IFT80: variants seen among roughly 807,000 people sequenced by gnomAD.
The protein encoded by IFT80 is intraflagellar transport protein 80 homolog.
Under a neutral mutation model 107.9 loss-of-function variants are expected in IFT80, and 79 were observed. The ratio of observed to expected loss-of-function variants is 0.73; its 90% confidence interval spans 0.61 to 0.88. IFT80 has a LOEUF of 0.88. Among genes scored for constraint, IFT80 ranks in the 40% least tolerant of loss-of-function variants. The pLI is 0.00. For missense variants in IFT80, 797 were observed against 914.2 expected (o/e 0.87, Z 1.65); for synonymous variants, 299 against 300.9 (o/e 0.99, Z 0.07).
chr3:160,309,723 G>A (rs1478945450), intron 9 of IFT80, among the ~76,000 whole-genome samples: 1 of 151,792 alleles, frequency 6.6e-6, no homozygotes, highest in Non-Finnish European at 1.5e-5. Context: ...AGCGTGTATA[G>A]TATGATACCT....
At chr3:160,343,757 T>C in intron 8 of IFT80, 1 of 353,520 alleles carries the variant, frequency 2.8e-6, no homozygotes, top group Non-Finnish European at 5.6e-6. Context: ...TAGCACTCAT[T>C]ACCATTTAAA....
At position 160,326,848 on chromosome 3, in the gene IFT80, G is replaced by C. The variant is rs140397917; in HGVS notation, c.778-6909C>G. Among the ~76,000 whole-genome samples the C allele has an allele frequency of 5.6e-3, 848 of 152,088 alleles. 8 individuals are homozygous for C. The highest frequency in any genetic ancestry group is 9.3e-3 in the Non-Finnish European group (631 of 67,976). ...AATCAGGCAAGGAAAAAAAAATAAG[G>C]GTACTCAGATAGGAAGACAGGAAGT... On this transcript the variant is annotated intron_variant, in intron 8 of 19. Transcript: ENST00000326448.
At chr3:160,385,625 T>C (rs1712869044) in intron 1 of IFT80, among the ~76,000 whole-genome samples, 1 of 152,238 alleles carries the variant, frequency 6.6e-6, no homozygotes, top group South Asian at 2.1e-4. Flanking sequence ...TTTTCACTTC[T>C]TTCTCTTCCA....
At chr3:160,352,238 C>T (rs950845365) in intron 8 of IFT80, among the ~76,000 whole-genome samples, 1 of 152,124 alleles carries the variant, frequency 6.6e-6, no homozygotes, top group Non-Finnish European at 1.5e-5. Context: ...TCGTGATCTG[C>T]CTGCCTCGGC....
chr3:160,317,002 A>C lies in IFT80; in HGVS notation c.957+2758T>G, dbSNP rs182774616. 3.2e-3 allele frequency among the ~76,000 whole-genome samples: 490 copies of C among 152,214 alleles called. 1 individual carries two copies. The highest frequency in any genetic ancestry group is 0.011 in the African/African-American group (458 of 41,534). On this transcript the variant is annotated intron_variant, in intron 9 of 19. Coordinates refer to ENST00000326448, the MANE Select transcript of IFT80 (RefSeq NM_020800.3). Reference sequence around the variant, plus strand: ...TCTCTTAACTTCACAAGAATCAATAAATTTCCTTTTTTTCTCTTCATTTTT... The same window carrying C: ...TCTCTTAACTTCACAAGAATCAATACATTTCCTTTTTTTCTCTTCATTTTT...
chr3:160,358,311 C>T (rs1721246492), intron 6 of IFT80, among the ~76,000 whole-genome samples: 1 of 151,812 alleles, frequency 6.6e-6, no homozygotes, highest in Non-Finnish European at 1.5e-5. Context: ...CCATGTTCAG[C>T]CCCCCTCAAC....
intron 1 of IFT80, among the ~76,000 whole-genome samples, chr3:160,387,243 C>T (rs1369439894): frequency 6.6e-6 from 1 of 152,152 alleles, no homozygotes; most frequent in Non-Finnish European, 1.5e-5. Flanking sequence ...CGGTGGCTCA[C>T]GCCTGTAATC....
At chr3:160,326,955 C>T (rs1342743618) in intron 8 of IFT80, among the ~76,000 whole-genome samples, 1 of 152,146 alleles carries the variant, frequency 6.6e-6, no homozygotes, top group Admixed American at 6.6e-5. Context: ...GCTTCTTAAG[C>T]TGATAATCAA....
At chr3:160,285,718 G>T in intron 13 of IFT80, 86 bp downstream of exon 13, 1 of 908,304 alleles carries the variant, frequency 1.1e-6, no homozygotes, top group Non-Finnish European at 1.7e-6. Flanking sequence ...ATTCCTTTGT[G>T]TCCTCTTTAA....
intron 3 of IFT80, among the ~76,000 whole-genome samples, chr3:160,378,299 T>C (rs906324831): frequency 1.3e-5 from 2 of 152,026 alleles, no homozygotes; most frequent in African/African-American, 4.8e-5. Flanking sequence ...TTTCTTGACA[T>C]TTCTCTTGAC....
At chr3:160,282,821 G>A (rs929421642) in intron 13 of IFT80, among the ~76,000 whole-genome samples, 5 of 152,014 alleles carry the variant, frequency 3.3e-5, no homozygotes, top group African/African-American at 9.7e-5. Context: ...TGACATCCAA[G>A]GAAAAGATAC....
chr3:160,311,009 C>A (rs1411006483), intron 9 of IFT80, among the ~76,000 whole-genome samples: 1 of 152,102 alleles, frequency 6.6e-6, no homozygotes, highest in East Asian at 1.9e-4. Context: ...CCTGTGGTCC[C>A]AGCTACTCGG....
At position 160,328,747 on chromosome 3, in the gene IFT80, G is replaced by A. The variant is rs570136283; in HGVS notation, c.778-8808C>T. Among the ~76,000 whole-genome samples, 10 of 152,098 alleles carry A rather than the reference G, an allele frequency of 6.6e-5. No homozygotes were observed. The South Asian group carries it at 1.2e-3, about 19-fold the overall frequency. Reference sequence around the variant, plus strand: ...CATGGAATCAACCTAAATTCCTGTCGATTACAGGCTGGAGAACGAAAATGT... The same window carrying A: ...CATGGAATCAACCTAAATTCCTGTCAATTACAGGCTGGAGAACGAAAATGT... On this transcript the variant is annotated intron_variant, in intron 8 of 19. Coordinates refer to ENST00000326448, the MANE Select transcript of IFT80 (RefSeq NM_020800.3).
At chr3:160,345,252 C>T (rs1720206675) in intron 8 of IFT80, among the ~76,000 whole-genome samples, 1 of 152,056 alleles carries the variant, frequency 6.6e-6, no homozygotes, top group Non-Finnish European at 1.5e-5. Context: ...ACTATTCAGC[C>T]ATAAAAATTA....
At chr3:160,367,168 C>T (rs984050598) in intron 5 of IFT80, among the ~76,000 whole-genome samples, 3 of 151,998 alleles carry the variant, frequency 2.0e-5, no homozygotes, top group African/African-American at 7.2e-5. Context: ...TTTTCTTTAT[C>T]TAGTCATCTG....
chr3:160,305,273 A>T (rs1321904012), intron 10 of IFT80, among the ~76,000 whole-genome samples: 2 of 152,206 alleles, frequency 1.3e-5, no homozygotes, highest in East Asian at 3.8e-4. Flanking sequence ...GCAGTGAGTA[A>T]GCAAACTGGT....
chr3:160,341,358 C>T (rs1015661723), intron 8 of IFT80, among the ~76,000 whole-genome samples: 2 of 146,910 alleles, frequency 1.4e-5, no homozygotes, highest in Admixed American at 6.8e-5. Flanking sequence ...AAAAAAAAAA[C>T]CTAAATAATA....
intron 18 of IFT80, among the ~76,000 whole-genome samples, chr3:160,269,877 T>C (rs539990699): frequency 1.3e-5 from 2 of 152,334 alleles, no homozygotes; most frequent in South Asian, 2.1e-4. Flanking sequence ...AATATTCCAG[T>C]CAGGATTTAT....
At chr3:160,283,124 A>G (rs887046556) in intron 13 of IFT80, among the ~76,000 whole-genome samples, 29 of 152,172 alleles carry the variant, frequency 1.9e-4, no homozygotes, top group Admixed American at 1.8e-3. Context: ...AGGTATTACT[A>G]TACTTACTTT....
Sources: allele counts gnomAD v4.1 joint callset (sites outside exome capture counted in the v4.1 genomes callset), GRCh38; gene constraint gnomAD v4.1.1; transcripts MANE v1.5; gene names NCBI Gene and HGNC (gene_info 2026-07-23, HGNC 2026-07-21).